RAP1GAP: variants seen among roughly 807,000 people sequenced by gnomAD.
The protein encoded by RAP1GAP is RAP1 GTPase activating protein, also known as rap1 GTPase-activating protein 1.
Under a neutral mutation model 87.2 loss-of-function variants are expected in RAP1GAP, and 35 were observed. That is an observed-to-expected ratio of 0.40 (90% CI 0.31 to 0.53). The LOEUF (loss-of-function observed/expected upper bound fraction) is 0.53, where lower values mean the gene tolerates loss of function less well. Ranked by LOEUF, RAP1GAP falls within the 20% of genes least tolerant of loss-of-function variation. The pLI is 0.48. For missense variants in RAP1GAP, 734 were observed against 898.9 expected (o/e 0.82, Z 2.35); for synonymous variants, 375 against 363.9 (o/e 1.03, Z -0.35).
At chr1:21,648,376 G>A (rs1381176661) in intron 2 of RAP1GAP, among the ~76,000 whole-genome samples, 1 of 152,214 alleles carries the variant, frequency 6.6e-6, no homozygotes, top group African/African-American at 2.4e-5. Context: ...GTGGCCTGGT[G>A]GCCCTGGGAC....
intron 17 of RAP1GAP, among the ~76,000 whole-genome samples, chr1:21,607,725 G>A (rs890013422): frequency 6.6e-6 from 1 of 151,994 alleles, no homozygotes; most frequent in Non-Finnish European, 1.5e-5. Context: ...TCCTCCCCAA[G>A]CCAGGGCCCC....
At chr1:21,660,580 C>T (rs905732312) in intron 1 of RAP1GAP, among the ~76,000 whole-genome samples, 6 of 151,860 alleles carry the variant, frequency 4.0e-5, no homozygotes, top group Admixed American at 1.3e-4. Flanking sequence ...GTGGTCCTCC[C>T]GCCTCAGCCT....
At position 21,611,464 on chromosome 1, in the gene RAP1GAP, C is replaced by T. The variant is rs779197798; in HGVS notation, c.831G>A (p.Gly277=). 1.2e-6 allele frequency: 2 copies of T among 1,613,964 alleles called. No individual in the cohort carries two copies. The highest frequency in any genetic ancestry group is 1.7e-6 in the Non-Finnish European group (2 of 1,179,944). Residue 277 remains glycine, a synonymous_variant, in exon 13 of 25, where the codon GGG becomes GGA. Coordinates refer to ENST00000374765, the MANE Select transcript of RAP1GAP (RefSeq NM_002885.4). ...GTGCCCAGGCTACCTGCTGGGCGTC[C>T]CCTTCCGTGTATGGCAGCTTGGTGG... ...HVSTKLPYTE[G]DAQQLQRKRH...
intron 1 of RAP1GAP, among the ~76,000 whole-genome samples, chr1:21,654,471 C>T (rs534792364): frequency 1.3e-5 from 2 of 152,314 alleles, no homozygotes; most frequent in African/African-American, 4.8e-5. Context: ...CCAAGGATTA[C>T]ATAAGTTACT....
chr1:21,651,710 G>C (rs1356684855), intron 1 of RAP1GAP: 56 of 970,038 alleles, frequency 5.8e-5, no homozygotes, highest in Non-Finnish European at 8.1e-5. Context: ...CACCCCGCAC[G>C]GGCTCCCCCC....
chr1:21,622,724 G>T lies in RAP1GAP; in HGVS notation c.-18-2674C>A, dbSNP rs1345606357. On this transcript the variant is annotated intron_variant, in intron 3 of 24. Coordinates refer to ENST00000374765, the MANE Select transcript of RAP1GAP (RefSeq NM_002885.4). This position sits in a 1 kb window ranked among gnomAD's most constrained non-coding sequence, Gnocchi z 5.7. The stretch of plus-strand genomic sequence containing the variant: ...GGCCCGAGCGCTAGAAGCTTTGGGT[G>T]CGTCGGGCTCCCCGAGGGGGCCCCC... 1.3e-5 allele frequency among the ~76,000 whole-genome samples: 2 copies of T among 151,638 alleles called. No individual in the cohort carries two copies. The highest frequency in any genetic ancestry group is 4.8e-5 in the African/African-American group (2 of 41,378).
intron 7 of RAP1GAP, among the ~76,000 whole-genome samples, chr1:21,616,292 T>C (rs867218587): frequency 1.1e-4 from 17 of 152,306 alleles, no homozygotes; most frequent in African/African-American, 3.1e-4. Flanking sequence ...CTTGACTAAA[T>C]CATTTACCTA....
intron 3 of RAP1GAP, among the ~76,000 whole-genome samples, chr1:21,621,496 G>A (rs1450875481): frequency 6.6e-6 from 1 of 152,162 alleles, no homozygotes; most frequent in Non-Finnish European, 1.5e-5. Flanking sequence ...TAGAGGCAAG[G>A]CCCACCTTGT....
intron 2 of RAP1GAP, among the ~76,000 whole-genome samples, chr1:21,638,148 TA>T (rs34068902): frequency 0.32 from 37,961 of 117,256 alleles, 5,738 homozygotes; most frequent in Middle Eastern, 0.45. Context: ...AAGATCCTAT[TA>T]AAAAAAAAAA....
At chr1:21,646,395 G>T (rs940283668) in intron 2 of RAP1GAP, among the ~76,000 whole-genome samples, 1 of 152,212 alleles carries the variant, frequency 6.6e-6, no homozygotes, top group Non-Finnish European at 1.5e-5. Flanking sequence ...CTCAGCAGAA[G>T]AGCTGGATTC....
At chr1:21,665,190 CAGAGGGAG>C (rs756582954) in intron 1 of RAP1GAP, 16 of 497,774 alleles carry the variant, frequency 3.2e-5, no homozygotes, top group Non-Finnish European at 6.5e-5. Flanking sequence ...GAAACAGACT[CAGAGGGAG>C]AGAGGAACTC....
At chr1:21,630,665 C>T (rs2093554550) in intron 2 of RAP1GAP, among the ~76,000 whole-genome samples, 1 of 152,080 alleles carries the variant, frequency 6.6e-6, no homozygotes, top group African/African-American at 2.4e-5. Flanking sequence ...TGATCCTTCC[C>T]CCTCGGCCTC....
intron 13 of RAP1GAP, 123 bp downstream of exon 13, chr1:21,611,329 C>A (rs1558667468): frequency 7.5e-7 from 1 of 1,338,392 alleles, no homozygotes; most frequent in African/African-American, 1.5e-5. Flanking sequence ...CAAGTGGGGG[C>A]GCTGATCATT....
rs2083088591 is a variant in RAP1GAP at position 21,617,590 on chromosome 1, T to C, written c.106-99A>G. On this transcript the variant is annotated intron_variant, in intron 6 of 24. Transcript: ENST00000374765. ...GACCTGGAGCCGCTTCTGTCGTGGC[T>C]AAGGGGTATGAGGGGACAGGCCAGA... 2.2e-6 allele frequency: 3 copies of C among 1,369,126 alleles called. No homozygotes were observed. In the South Asian group the frequency reaches 4.2e-5, roughly 19 times the overall value. The allele number at this position is 1,369,126 out of a possible 1,614,324, so 84.8% of individuals were successfully genotyped here.
intron 2 of RAP1GAP, 144 bp from the exon 3 acceptor site, chr1:21,626,541 G>A (rs1312687578): frequency 4.4e-6 from 3 of 676,852 alleles, no homozygotes; most frequent in Non-Finnish European, 7.8e-6. Context: ...AGAGGAGGGA[G>A]AGGAGGGGCT....
intron 2 of RAP1GAP, 37 bp from the exon 3 acceptor site, chr1:21,626,434 A>G: frequency 6.5e-7 from 1 of 1,550,214 alleles, no homozygotes; most frequent in Non-Finnish European, 8.9e-7. Flanking sequence ...GGAGAGCCCC[A>G]AGCCAGGAAA....
chr1:21,659,194 A>C (rs1681269), intron 1 of RAP1GAP, among the ~76,000 whole-genome samples: 35,763 of 151,988 alleles, frequency 0.24, 4,313 homozygotes, highest in African/African-American at 0.27. Flanking sequence ...CGTGAACCAC[A>C]GTGCCCGGCC....
At chr1:21,606,652 C>CT (rs1286598985) in intron 17 of RAP1GAP, among the ~76,000 whole-genome samples, 1 of 152,174 alleles carries the variant, frequency 6.6e-6, no homozygotes, top group Non-Finnish European at 1.5e-5. Flanking sequence ...TGCCTTCTTT[C>CT]TTTTCTTCCC....
chr1:21,625,587 G>C (rs1048974275), intron 3 of RAP1GAP, among the ~76,000 whole-genome samples: 1 of 152,186 alleles, frequency 6.6e-6, no homozygotes, highest in African/African-American at 2.4e-5. Flanking sequence ...AAATGGGACT[G>C]ATTATAGTAG....
Sources: gnomAD v4.1 joint callset for allele counts (sites outside exome capture counted in the v4.1 genomes callset) on GRCh38, gnomAD v4.1.1 for gene constraint, Gnocchi (gnomAD v3.1) non-coding constraint, MANE v1.5 for transcripts, NCBI Gene and HGNC (gene_info 2026-07-23, HGNC 2026-07-21) for gene names.